TPST1: variants seen among roughly 807,000 people sequenced by gnomAD.
TPST1 encodes the protein protein-tyrosine sulfotransferase 1.
In TPST1, 20 loss-of-function variants were observed where a neutral mutation model predicts 34.8. The observed-to-expected ratio is 0.57, with a 90% CI of 0.40 to 0.84. The LOEUF is 0.84. TPST1 is among the 40% of genes least tolerant of loss of function. The pLI is 0.00. For synonymous variants in TPST1, 152 were observed against 159.4 expected (o/e 0.95, Z 0.35); for missense variants, 353 against 455.5 (o/e 0.78, Z 2.05).
At chr7:66,202,056 T>A (rs1044493407), upstream of TPST1, among the ~76,000 whole-genome samples, 1 of 152,180 alleles carries the variant, frequency 6.6e-6, no homozygotes, top group African/African-American at 2.4e-5. Context: ...CAAGTGTGTG[T>A]GTATGTGTAT....
chr7:66,215,174 C>T (rs1402930899), intron 1 of TPST1, among the ~76,000 whole-genome samples: 1 of 149,256 alleles, frequency 6.7e-6, no homozygotes, highest in Non-Finnish European at 1.5e-5. Context: ...CCTGCCTCAG[C>T]CTCCTGAGTA....
chr7:66,307,643 C>T (rs994266999), intron 3 of TPST1, among the ~76,000 whole-genome samples: 2 of 152,152 alleles, frequency 1.3e-5, no homozygotes, highest in African/African-American at 4.8e-5. Context: ...CTGGGAGCAG[C>T]GCTTTATTGG....
chr7:66,317,803 T>G (rs1239028713), intron 3 of TPST1, among the ~76,000 whole-genome samples: 1 of 152,194 alleles, frequency 6.6e-6, no homozygotes, highest in East Asian at 1.9e-4. Flanking sequence ...TTTAAAAAAA[T>G]TCCATGTTCT....
intron 3 of TPST1, among the ~76,000 whole-genome samples, chr7:66,294,741 T>G (rs1360473498): frequency 1.3e-5 from 2 of 152,038 alleles, no homozygotes; most frequent in African/African-American, 4.8e-5. Flanking sequence ...ATTTTCTTAT[T>G]TATTTACACA....
At chr7:66,273,634 G>A (rs775225459) in intron 2 of TPST1, among the ~76,000 whole-genome samples, 10 of 152,066 alleles carry the variant, frequency 6.6e-5, no homozygotes, top group Non-Finnish European at 1.3e-4. Context: ...CATATTTATG[G>A]TCAGTTGATC....
At chr7:66,232,200 A>ATTTTTTT (rs1216330608) in intron 1 of TPST1, among the ~76,000 whole-genome samples, 1 of 127,678 alleles carries the variant, frequency 7.8e-6, no homozygotes, top group Non-Finnish European at 1.7e-5. Flanking sequence ...TATTAAAAAA[A>ATTTTTTT]ATTTTTTTTT....
At chr7:66,300,811 TG>T in intron 3 of TPST1, among the ~76,000 whole-genome samples, 1 of 152,088 alleles carries the variant, frequency 6.6e-6, no homozygotes, top group South Asian at 2.1e-4. Context: ...CTGGGTGTGG[TG>T]GCGCATGTGT....
At chr7:66,324,196 T>TA (rs1311700328) in intron 3 of TPST1, among the ~76,000 whole-genome samples, 1 of 152,058 alleles carries the variant, frequency 6.6e-6, no homozygotes, top group Non-Finnish European at 1.5e-5. Flanking sequence ...GTACATAGAA[T>TA]AGGTCAATTC....
At chr7:66,359,767 C>G in intron 5 of TPST1, 128 bp from the exon 6 acceptor site, 1 of 416,528 alleles carries the variant, frequency 2.4e-6, no homozygotes. Context: ...CTCCTGGCCC[C>G]TGATCTGCAG....
intron 3 of TPST1, among the ~76,000 whole-genome samples, chr7:66,321,306 C>T (rs1791752412): frequency 6.6e-6 from 1 of 152,126 alleles, no homozygotes. Context: ...CTTTTGTGTC[C>T]AGAGTTTTTA....
intron 3 of TPST1, among the ~76,000 whole-genome samples, chr7:66,334,355 G>A (rs1381360432): frequency 1.3e-5 from 2 of 152,096 alleles, no homozygotes; most frequent in Non-Finnish European, 2.9e-5. Context: ...AATTATTCAG[G>A]CTGGGCGCGG....
At chr7:66,213,050 G>A (rs1311625273) in intron 1 of TPST1, among the ~76,000 whole-genome samples, 2 of 151,916 alleles carry the variant, frequency 1.3e-5, no homozygotes, top group Non-Finnish European at 2.9e-5. Flanking sequence ...ATTTCTTTGG[G>A]TTTTTCTGTT....
chr7:66,297,914 TAAAA>T (rs1464453021), intron 3 of TPST1, among the ~76,000 whole-genome samples: 2 of 152,234 alleles, frequency 1.3e-5, no homozygotes, highest in Non-Finnish European at 2.9e-5. Flanking sequence ...TCTCCTCACT[TAAAA>T]TTCATGAATG....
chr7:66,209,559 C>G (rs1188575317), intron 1 of TPST1, among the ~76,000 whole-genome samples: 1 of 152,176 alleles, frequency 6.6e-6, no homozygotes, highest in Non-Finnish European at 1.5e-5. Context: ...CCTGAACATG[C>G]CTAAATGGCT....
At chr7:66,228,283 T>G (rs1321051105) in intron 1 of TPST1, among the ~76,000 whole-genome samples, 1 of 152,236 alleles carries the variant, frequency 6.6e-6, no homozygotes. Flanking sequence ...TACCTTGTTT[T>G]CCTACAATCA....
chr7:66,229,263 A>G, intron 1 of TPST1, among the ~76,000 whole-genome samples: 1 of 152,060 alleles, frequency 6.6e-6, no homozygotes, highest in East Asian at 1.9e-4. Flanking sequence ...GGCACCCGCC[A>G]CCACGCCCAG....
intron 5 of TPST1, among the ~76,000 whole-genome samples, chr7:66,358,782 G>C (rs781723203): frequency 1.3e-5 from 2 of 152,198 alleles, no homozygotes; most frequent in Non-Finnish European, 2.9e-5. Context: ...TATACAAAAT[G>C]CTTTCAAACT....
intron 2 of TPST1, among the ~76,000 whole-genome samples, chr7:66,273,396 T>G (rs1790742281): frequency 6.6e-6 from 1 of 152,190 alleles, no homozygotes; most frequent in Non-Finnish European, 1.5e-5. Context: ...AAAATTTCAA[T>G]GACATTTTCA....
chr7:66,210,179 G>T (rs1789214367), intron 1 of TPST1, among the ~76,000 whole-genome samples: 1 of 152,280 alleles, frequency 6.6e-6, no homozygotes, highest in Non-Finnish European at 1.5e-5. Flanking sequence ...GAGAGAGAGG[G>T]AGAAGGAAGG....
Sources: gnomAD v4.1 joint callset for allele counts (sites outside exome capture counted in the v4.1 genomes callset) on GRCh38, gnomAD v4.1.1 for gene constraint, MANE v1.5 for transcripts, NCBI Gene and HGNC (gene_info 2026-07-23, HGNC 2026-07-21) for gene names.